Variants in SFXN3 observed in about 807,000 individuals in gnomAD.
The protein encoded by SFXN3 is sideroflexin 3, also known as sideroflexin-3.
Under a neutral mutation model 40.4 loss-of-function variants are expected in SFXN3, and 31 were observed. The observed-to-expected ratio is 0.77, with a 90% CI of 0.58 to 1.04. The LOEUF is 1.04. Among genes scored for constraint, SFXN3 ranks in the 50% least tolerant of loss-of-function variants. The pLI is 0.00. For synonymous variants in SFXN3, 157 were observed against 160.0 expected (o/e 0.98, Z 0.14); for missense variants, 366 against 408.2 (o/e 0.90, Z 0.89).
At chr10:101,035,814 T>TGGGGTGAGAGAC in intron 4 of SFXN3, 147 bp downstream of exon 4, 1 of 1,219,840 alleles carries the variant, frequency 8.2e-7, no homozygotes, top group Non-Finnish European at 1.2e-6. Flanking sequence ...AGGAGGTCTC[T>TGGGGTGAGAGAC]CACCCCAGAG....
intron 2 of SFXN3, among the ~76,000 whole-genome samples, 153 bp downstream of exon 2, chr10:101,032,635 T>C (rs1228841519): frequency 2.6e-5 from 4 of 151,966 alleles, no homozygotes; most frequent in African/African-American, 9.7e-5. Flanking sequence ...GGGAGGAATG[T>C]CAGGGTGGGG....
At position 101,039,758 on chromosome 10, in the gene SFXN3, C is replaced by T; in HGVS notation, c.*173C>T. The T allele has an allele frequency of 1.3e-5, 8 of 622,608 alleles. 1 individual carries two copies. In the South Asian group the frequency reaches 1.3e-4, roughly 10 times the overall value. 38.6% of individuals were successfully genotyped at this position (622,608 alleles called of 1,614,324 possible). ...GGGGAGGGACCTCCATAAGGCTTTT[C>T]CTCCCTTCTCTGGTTTCAAAGATCA... On this transcript the variant is annotated 3_prime_UTR_variant, in exon 12 of 12. Coordinates refer to ENST00000393459, the Ensembl canonical transcript of SFXN3. The surrounding 1 kb of genome is among the most constrained non-coding windows in gnomAD (Gnocchi z 4.6).
intron 9 of SFXN3, 69 bp downstream of exon 9, chr10:101,037,500 C>G: frequency 6.2e-7 from 1 of 1,613,344 alleles, no homozygotes; most frequent in Non-Finnish European, 8.5e-7. Flanking sequence ...CCCCAACTCT[C>G]TCTCCAGCCT....
chr10:101,037,614 C>G, intron 9 of SFXN3, 183 bp downstream of exon 9: 1 of 1,475,922 alleles, frequency 6.8e-7, no homozygotes, highest in Non-Finnish European at 8.9e-7. Flanking sequence ...TGAAGGAACT[C>G]TGCAGGGGCA....
rs1180481363 is a variant in SFXN3, at chr10:101,036,774, G to A, written c.559G>A (p.Ala187Thr). The A allele has an allele frequency of 6.2e-7, 1 of 1,613,822 alleles. No individual in the cohort carries two copies. Residue 187 changes from alanine (A) to threonine (T), a missense_variant, in exon 7 of 12, where the codon GCC becomes ACC. By Grantham distance (58) the Ala-to-Thr change is moderately conservative. Coordinates refer to ENST00000393459, the Ensembl canonical transcript of SFXN3. The surrounding 1 kb of genome is among the most constrained non-coding windows in gnomAD (Gnocchi z 4.2). ...TGTGCCCTTTGCAGCAGTGGCAGCT[G>A]CCAACTGCATCAACATCCCCCTGAT...
chr10:101,037,437 C>T lies in SFXN3; in HGVS notation c.771+6C>T, dbSNP rs370476963. The T allele has an allele frequency of 1.4e-4, 224 of 1,614,066 alleles. No homozygotes were observed. Among genetic ancestry groups the T allele is most frequent in the Non-Finnish European group, 1.7e-4 (204 of 1,180,038 alleles). The stretch of plus-strand genomic sequence containing the variant: ...AGAAGAAAGACTTCCTGAAGGTAGG[C>T]GACTGTACCTCTCTTGTCCTGGAAT... On this transcript the variant is annotated splice_donor_region_variant and intron_variant, in intron 9 of 11. Transcript: ENST00000393459.
chr10:101,038,536 T>G, intron 9 of SFXN3, 107 bp from the exon 10 acceptor site: 2 of 1,602,182 alleles, frequency 1.2e-6, no homozygotes, highest in Non-Finnish European at 8.5e-7. Context: ...GCCACAGGTC[T>G]AAGGGCTCCA....
At chr10:101,031,790 C>T (rs1269463255) in intron 1 of SFXN3, among the ~76,000 whole-genome samples, 1 of 151,726 alleles carries the variant, frequency 6.6e-6, no homozygotes, top group Admixed American at 6.6e-5. Flanking sequence ...GGGTTGGGAG[C>T]GTAAGGAGAC....
intron 9 of SFXN3, chr10:101,037,772 G>A: frequency 8.1e-7 from 1 of 1,229,028 alleles, no homozygotes; most frequent in Non-Finnish European, 1.0e-6. Context: ...ACACACGGGT[G>A]AACACGCACA....
At chr10:101,031,684 C>T (rs1423943713) in intron 1 of SFXN3, 150 bp downstream of exon 1, 1 of 152,332 alleles carries the variant, frequency 6.6e-6, no homozygotes, top group Non-Finnish European at 1.5e-5. Flanking sequence ...AAGAATCCTT[C>T]TGATGCACTT....
In SFXN3 at chr10:101,036,480, C is replaced by G. The variant is rs1324312141; in HGVS notation, c.432-6C>G. The G allele has an allele frequency of 2.4e-5, 38 of 1,614,078 alleles. No individual in the cohort carries two copies. In the East Asian group the frequency reaches 8.2e-4, roughly 35 times the overall value. On this transcript the variant is annotated splice_polypyrimidine_tract_variant and splice_region_variant and intron_variant, in intron 5 of 11. Transcript: ENST00000393459. This position sits in a 1 kb window ranked among gnomAD's most constrained non-coding sequence, Gnocchi z 4.2. ...TCTCCCCGTGACCTGGCTTTTCCAC[C>G]CACAGGCAGCTGGGGACAGCCTATG...
chr10:101,035,448 C>T, intron 3 of SFXN3, 49 bp from the exon 4 acceptor site: 1 of 1,549,056 alleles, frequency 6.5e-7, no homozygotes, highest in Non-Finnish European at 8.7e-7. Flanking sequence ...CCTGTGAGGG[C>T]AGATCTGCCC....
chr10:101,034,653 C>T, intron 2 of SFXN3, 39 bp from the exon 3 acceptor site: 2 of 1,606,322 alleles, frequency 1.2e-6, no homozygotes, highest in South Asian at 2.2e-5. Flanking sequence ...GCCCTTGGAC[C>T]CTTGGACTCC....
intron 7 of SFXN3, 59 bp from the exon 8 acceptor site, chr10:101,037,017 C>A (rs2275383): frequency 6.3e-7 from 1 of 1,599,612 alleles, no homozygotes; most frequent in Non-Finnish European, 8.5e-7. Flanking sequence ...GCTGCTCATT[C>A]GGGCATTGCA....
exon 1 of SFXN3, chr10:101,031,238 C>A (rs1280771663): frequency 2.0e-5 from 3 of 152,362 alleles, no homozygotes; most frequent in African/African-American, 7.2e-5. Flanking sequence ...CATTCTATTC[C>A]GGCACCTCCC....
At chr10:101,033,999 C>T (rs1228448440) in intron 2 of SFXN3, among the ~76,000 whole-genome samples, 6 of 151,854 alleles carry the variant, frequency 4.0e-5, no homozygotes, top group Non-Finnish European at 5.9e-5. Flanking sequence ...TGTGCAATCG[C>T]GTTTTATATG....
chr10:101,032,475 T>C lies in SFXN3; in HGVS notation c.-11T>C, dbSNP rs1198487037. 18 of 1,550,260 alleles carry C rather than the reference T, an allele frequency of 1.2e-5. No individual in the cohort carries two copies. In the South Asian group the frequency reaches 2.1e-4, roughly 18 times the overall value. ...CGGTTCTGAGAGCTTCAGAGAGCGA[T>C]GGAAAGCGTAAGTGCTCGCTCTCCC... On this transcript the variant is annotated 5_prime_UTR_variant, in exon 2 of 12. The change abolishes an upstream ATG in the 5' untranslated region. Coordinates refer to ENST00000393459, the Ensembl canonical transcript of SFXN3.
rs748983081 is a variant in SFXN3, at chr10:101,039,469, C to T, written c.870-20C>T. 22 of 1,609,620 alleles carry T rather than the reference C, an allele frequency of 1.4e-5. No individual in the cohort carries two copies. The highest frequency in any genetic ancestry group is 1.9e-5 in the Non-Finnish European group (22 of 1,176,026). The stretch of plus-strand genomic sequence containing the variant: ...GTTGGATTCAGGGGACGTTAACTGG[C>T]CTGTGCTGTTCTATTGCAGCTCCAT... On this transcript the variant is annotated intron_variant, in intron 11 of 11. Coordinates refer to ENST00000393459, the Ensembl canonical transcript of SFXN3. This position sits in a 1 kb window ranked among gnomAD's most constrained non-coding sequence, Gnocchi z 4.6.
chr10:101,032,508 C>G (rs1363535192), intron 2 of SFXN3, 26 bp downstream of exon 2: 7 of 1,527,634 alleles, frequency 4.6e-6, no homozygotes, highest in African/African-American at 1.4e-5. Context: ...CCCCGGCGGG[C>G]GGGGTTCTGG....
Sources: gnomAD v4.1 joint callset for allele counts (sites outside exome capture counted in the v4.1 genomes callset) on GRCh38, gnomAD v4.1.1 for gene constraint, Gnocchi (gnomAD v3.1) non-coding constraint, MANE v1.5 for transcripts, NCBI Gene and HGNC (gene_info 2026-07-23, HGNC 2026-07-21) for gene names.